The following LMF1 variants were observed in gnomAD, a reference collection of about 807,000 sequenced individuals.
The protein encoded by LMF1 is lipase maturation factor 1.
LMF1 carries 68 observed loss-of-function variants against 60.6 expected under a neutral mutation model. The ratio of observed to expected loss-of-function variants is 1.12; its 90% confidence interval spans 0.92 to 1.37. The LOEUF (loss-of-function observed/expected upper bound fraction) is 1.37, where lower values mean the gene tolerates loss of function less well. Ranked by LOEUF, LMF1 falls within the 40% of genes most tolerant of loss-of-function variation. The pLI is 0.00. For missense variants in LMF1, 948 were observed against 767.2 expected, an observed-to-expected ratio of 1.24 and a Z score of -2.78; for synonymous variants, 418 against 324.7, an observed-to-expected ratio of 1.29 and a Z score of -3.09.
chr16:908,398 C>T (rs1001635124), intron 4 of LMF1, among the ~76,000 whole-genome samples: 1 of 152,216 alleles, frequency 6.6e-6, no homozygotes, highest in African/African-American at 2.4e-5. Flanking sequence ...GCCACTCACG[C>T]ACCCCTCAGC....
intron 5 of LMF1, among the ~76,000 whole-genome samples, chr16:882,113 T>C (rs527791681): frequency 6.6e-6 from 1 of 152,346 alleles, no homozygotes; most frequent in Admixed American, 6.5e-5. Context: ...CACAGTGCGA[T>C]GCCTTTGTGG....
chr16:945,783 T>G (rs75870327), intron 2 of LMF1, among the ~76,000 whole-genome samples: 11,741 of 152,142 alleles, frequency 0.077, 515 homozygotes, highest in South Asian at 0.15. Flanking sequence ...ACATGTTACG[T>G]GGCTTCAAGG....
At position 893,086 on chromosome 16, in the gene LMF1, A is replaced by G; in HGVS notation, c.664-14T>C. ...CTTGATCAGGCCCTGCAAGGAAGAG[A>G]GCAGAGGGAGAGTCAGTCACAGGGG... On this transcript the variant is annotated splice_polypyrimidine_tract_variant and intron_variant, in intron 4 of 10. Coordinates refer to ENST00000262301, the MANE Select transcript of LMF1 (RefSeq NM_022773.4). The G allele has an allele frequency of 6.4e-7, 1 of 1,552,182 alleles. No homozygotes were observed. Among genetic ancestry groups the G allele is most frequent in the Non-Finnish European group, 8.7e-7 (1 of 1,147,716 alleles).
intron 3 of LMF1, among the ~76,000 whole-genome samples, chr16:912,130 C>T (rs1189487864): frequency 6.6e-6 from 1 of 152,220 alleles, no homozygotes; most frequent in Admixed American, 6.5e-5. Context: ...AGGCCACCCG[C>T]TGCCCAGCAT....
chr16:864,798 T>C (rs2069567197), intron 10 of LMF1, among the ~76,000 whole-genome samples: 1 of 151,902 alleles, frequency 6.6e-6, no homozygotes, highest in African/African-American at 2.4e-5. Context: ...CTAATTGTTG[T>C]ATTTTTAGTA....
intron 2 of LMF1, among the ~76,000 whole-genome samples, chr16:950,018 G>A (rs577054866): frequency 2.4e-5 from 3 of 124,992 alleles, no homozygotes; most frequent in Non-Finnish European, 4.9e-5. Flanking sequence ...CAGAGCCAAC[G>A]ACAGAGTCAG....
upstream of LMF1, chr16:981,303 T>A (rs878991249): frequency 0.02 from 4,209 of 213,352 alleles, 90 homozygotes; most frequent in African/African-American, 0.058. Context: ...TGTGTGTGTG[T>A]GAGAGAGAGA....
At chr16:892,080 G>A (rs551131109) in intron 5 of LMF1, among the ~76,000 whole-genome samples, 3 of 152,324 alleles carry the variant, frequency 2.0e-5, no homozygotes, top group African/African-American at 4.8e-5. Flanking sequence ...GTGCCAGGCC[G>A]GCACGTGGAC....
In LMF1 at chr16:962,433, G is replaced by A. The variant is rs1214944881; in HGVS notation, c.194-7767C>T. 1.3e-5 allele frequency among the ~76,000 whole-genome samples: 2 copies of A among 151,326 alleles called. No individual in the cohort carries two copies. The highest frequency in any genetic ancestry group is 2.9e-5 in the Non-Finnish European group (2 of 67,950). On this transcript the variant is annotated intron_variant, in intron 1 of 10. Transcript: ENST00000262301. This position sits in a 1 kb window ranked among gnomAD's most constrained non-coding sequence, Gnocchi z 4.5. ...TGGACCCAGTGAGCGGCTTCCAGAG[G>A]ACAGAGCGGGCGGGAAAGCAGGGAC... is the stretch of plus-strand genomic sequence containing the variant.
intron 1 of LMF1, chr16:979,233 G>C (rs1050048884): frequency 2.6e-6 from 1 of 381,768 alleles, no homozygotes; most frequent in African/African-American, 2.1e-5. Context: ...CGGAGGACGA[G>C]GTCATTTTCC....
chr16:975,985 C>T (rs1288927349), intron 1 of LMF1: 1 of 453,054 alleles, frequency 2.2e-6, no homozygotes, highest in Non-Finnish European at 4.4e-6. Context: ...GGGCAAGGGG[C>T]CTCATGAACT....
At chr16:975,832 G>C (rs192180037), upstream of LMF1, 1 of 454,042 alleles carries the variant, frequency 2.2e-6, no homozygotes, top group African/African-American at 2.0e-5. Context: ...ATCCTGGCCG[G>C]GGAGGTCAGG....
In LMF1 at chr16:880,068, G is replaced by C. The variant is rs552626919; in HGVS notation, c.730-331C>G. On this transcript the variant is annotated intron_variant, in intron 5 of 10. Transcript: ENST00000262301. ...AACACAGGCAGTCGGAGAACAGGCA[G>C]TCGGAGAACGCGCCGCCTGCTGCCC... 3.9e-5 allele frequency among the ~76,000 whole-genome samples: 6 copies of C among 152,344 alleles called. No homozygotes were observed. In the East Asian group the frequency reaches 1.2e-3, roughly 29 times the overall value.
chr16:899,308 T>A (rs926678302), intron 4 of LMF1: 4 of 152,200 alleles, frequency 2.6e-5, no homozygotes, highest in Non-Finnish European at 5.9e-5. Flanking sequence ...GCCATAGATA[T>A]CATTTTCTAA....
intron 10 of LMF1, among the ~76,000 whole-genome samples, chr16:858,145 G>GC (rs1212386379): frequency 3.2e-4 from 15 of 47,330 alleles, no homozygotes; most frequent in Admixed American, 3.8e-4. Context: ...GGATGGGTGT[G>GC]AGTGGTGTCT....
intron 1 of LMF1, chr16:979,654 C>G (rs1330480459): frequency 2.2e-6 from 1 of 454,090 alleles, no homozygotes; most frequent in East Asian, 7.0e-5. Context: ...AGGAAGAGGC[C>G]ACCCTGCCTG....
intron 3 of LMF1, among the ~76,000 whole-genome samples, chr16:919,218 AC>A (rs2071362761): frequency 6.6e-6 from 1 of 152,056 alleles, no homozygotes; most frequent in Non-Finnish European, 1.5e-5. Context: ...AGTGTGGCCA[AC>A]AGGCACGATC....
intron 4 of LMF1, chr16:903,751 C>T (rs75906417): frequency 6.8e-5 from 7 of 102,888 alleles, no homozygotes; most frequent in South Asian, 3.3e-4. Context: ...TTGCACTGCC[C>T]GTGGGGACGC....
At chr16:950,657 C>T (rs1180386630) in intron 2 of LMF1, among the ~76,000 whole-genome samples, 90 of 137,166 alleles carry the variant, frequency 6.6e-4, no homozygotes, top group African/African-American at 2.3e-3. Flanking sequence ...AGTCAGCCAA[C>T]GACAGAATCA....
Sources: gnomAD v4.1 joint callset for allele counts (sites outside exome capture counted in the v4.1 genomes callset) on GRCh38, gnomAD v4.1.1 for gene constraint, Gnocchi (gnomAD v3.1) non-coding constraint, MANE v1.5 for transcripts, NCBI Gene and HGNC (gene_info 2026-07-23, HGNC 2026-07-21) for gene names.